The following PLPP3 variants were observed in gnomAD, a reference collection of about 807,000 sequenced individuals.
The protein encoded by PLPP3 is PAP2 beta.
In PLPP3, 6 loss-of-function variants were observed where a neutral mutation model predicts 29.6. That is an observed-to-expected ratio of 0.20 (90% CI 0.11 to 0.40). The LOEUF (loss-of-function observed/expected upper bound fraction) is 0.40. PLPP3 is among the 10% of genes least tolerant of loss of function. The pLI is 1.00. For synonymous variants in PLPP3, 152 were observed against 159.7 expected, an observed-to-expected ratio of 0.95 and a Z score of 0.36; for missense variants, 308 against 407.7, an observed-to-expected ratio of 0.76 and a Z score of 2.11.
At chr1:56,554,806 A>G (rs1646063020) in intron 1 of PLPP3, among the ~76,000 whole-genome samples, 1 of 152,156 alleles carries the variant, frequency 6.6e-6, no homozygotes, top group Admixed American at 6.5e-5. Flanking sequence ...ATTTCCAGCT[A>G]AAGGAAAATA....
intron 1 of PLPP3, among the ~76,000 whole-genome samples, chr1:56,571,697 C>A (rs780668858): frequency 1.3e-5 from 2 of 152,108 alleles, no homozygotes; most frequent in African/African-American, 2.4e-5. Flanking sequence ...TACTCCACTG[C>A]CCAATAATAT....
At position 56,572,072 on chromosome 1, in the gene PLPP3, CAG is replaced by C. The variant is rs970879704; in HGVS notation, c.139+6804_139+6805del. On this transcript the variant is annotated intron_variant, in intron 1 of 5. Coordinates refer to ENST00000371250, the MANE Select transcript of PLPP3 (RefSeq NM_003713.5). ...TTTTTTTTTTTTTTTTTTTTTGAGA[CAG>C]AGTCTCGCTCTATCACCCAGCCTGG... 6.5e-5 allele frequency among the ~76,000 whole-genome samples: 5 copies of C among 76,658 alleles called. No individual in the cohort carries two copies. The Admixed American group carries it at 1.0e-3, about 16-fold the overall frequency. The allele number at this position is 76,658 out of a possible 152,430, so 50.3% of individuals were successfully genotyped here.
chr1:56,496,334 A>G lies in PLPP3; in HGVS notation c.*217T>C. ...GAACACTTAAACCAATTGCACATCCAGGACTCTGGCACTTGGTGTTAGTTT... is the reference window on the plus strand; with the variant it reads ...GAACACTTAAACCAATTGCACATCCGGGACTCTGGCACTTGGTGTTAGTTT... On this transcript the variant is annotated 3_prime_UTR_variant, in exon 6 of 6. Coordinates refer to ENST00000371250, the MANE Select transcript of PLPP3 (RefSeq NM_003713.5). 2 of 479,102 alleles carry G rather than the reference A, an allele frequency of 4.2e-6. No homozygotes were observed. The highest frequency in any genetic ancestry group is 7.5e-6 in the Non-Finnish European group (2 of 265,130). The allele number at this position is 479,102 out of a possible 1,614,324, so 29.7% of individuals were successfully genotyped here.
At chr1:56,578,688 G>T (rs1178310995) in intron 1 of PLPP3, among the ~76,000 whole-genome samples, 190 bp downstream of exon 1, 2 of 152,132 alleles carry the variant, frequency 1.3e-5, no homozygotes, top group Non-Finnish European at 2.9e-5. Flanking sequence ...TACAGGCCAA[G>T]AAGTCGGTGG....
At chr1:56,555,375 G>A (rs1646067784) in intron 1 of PLPP3, among the ~76,000 whole-genome samples, 1 of 147,506 alleles carries the variant, frequency 6.8e-6, no homozygotes, top group Non-Finnish European at 1.5e-5. Flanking sequence ...AGTGCCTGTT[G>A]GGGTGTGTGT....
At chr1:56,521,915 A>AG (rs1328574228) in intron 4 of PLPP3, among the ~76,000 whole-genome samples, 1 of 152,182 alleles carries the variant, frequency 6.6e-6, no homozygotes, top group Non-Finnish European at 1.5e-5. Flanking sequence ...TGGGGACCGG[A>AG]GGGAGGGGAC....
At chr1:56,576,612 C>T (rs1266990019) in intron 1 of PLPP3, among the ~76,000 whole-genome samples, 2 of 152,174 alleles carry the variant, frequency 1.3e-5, no homozygotes, top group South Asian at 2.1e-4. Flanking sequence ...GGCAAAGCAC[C>T]CCTGAAAACA....
rs71048436 is a variant in PLPP3 at position 56,501,007 on chromosome 1, CAAAAAAAAAAAA to C, written c.811-4343_811-4332del. Among the ~76,000 whole-genome samples the C allele has an allele frequency of 5.8e-3, 493 of 84,926 alleles. 6 individuals are homozygous for C. Among genetic ancestry groups the C allele is most frequent in the African/African-American group, 0.026 (458 of 17,596 alleles). The allele number at this position is 84,926 out of a possible 152,430, so 55.7% of individuals were successfully genotyped here. On this transcript the variant is annotated intron_variant, in intron 5 of 5. Transcript: ENST00000371250. ...CGAGACAGCGAGACTCTGTCTCAGA[CAAAAAAAAAAAA>C]AAAAAAAAAAAAAAATCATGTTGGT...
At chr1:56,578,368 C>G (rs559482725) in intron 1 of PLPP3, among the ~76,000 whole-genome samples, 2 of 152,130 alleles carry the variant, frequency 1.3e-5, no homozygotes, top group Non-Finnish European at 2.9e-5. Flanking sequence ...GTGAAAAGGC[C>G]GGCTAGCCAG....
rs66593221 is a variant in PLPP3, at chr1:56,555,433, TAA to T, written c.140-18323_140-18322del. On this transcript the variant is annotated intron_variant, in intron 1 of 5. Coordinates refer to ENST00000371250, the MANE Select transcript of PLPP3 (RefSeq NM_003713.5). ...ATGCAGGAGAAGGAAGGCCAAACAC[TAA>T]AAAAAAAAAAAAAAAAAAAAAAAAA... Among the ~76,000 whole-genome samples, 227 of 33,212 alleles carry T rather than the reference TAA, an allele frequency of 6.8e-3. 4 individuals carry two copies. Among genetic ancestry groups the T allele is most frequent in the African/African-American group, 0.026 (160 of 6,122 alleles). The allele number at this position is 33,212 out of a possible 152,430, so 21.8% of individuals were successfully genotyped here.
chr1:56,509,239 G>T, intron 5 of PLPP3, among the ~76,000 whole-genome samples: 1 of 152,148 alleles, frequency 6.6e-6, no homozygotes, highest in Middle Eastern at 3.2e-3. Flanking sequence ...TCTTTACATT[G>T]TAAATCAGGC....
chr1:56,568,462 T>G (rs1207579311), intron 1 of PLPP3, among the ~76,000 whole-genome samples: 1 of 152,096 alleles, frequency 6.6e-6, no homozygotes, highest in Non-Finnish European at 1.5e-5. Context: ...AGAATATAAC[T>G]CACAGCCTCG....
intron 1 of PLPP3, among the ~76,000 whole-genome samples, chr1:56,567,020 A>G (rs189157239): frequency 2.6e-5 from 4 of 152,322 alleles, no homozygotes; most frequent in East Asian, 1.9e-4. Flanking sequence ...TGTAAAGCAG[A>G]TCCCAGGGAT....
chr1:56,551,838 G>A (rs1646041584), intron 1 of PLPP3, among the ~76,000 whole-genome samples: 1 of 152,192 alleles, frequency 6.6e-6, no homozygotes. Flanking sequence ...GCTGGGGTTT[G>A]GCAGGAGTTC....
In PLPP3 at chr1:56,524,152, GT is replaced by G. The variant is rs1645837270; in HGVS notation, c.575+124del. On this transcript the variant is annotated intron_variant, in intron 3 of 5. Coordinates refer to ENST00000371250, the MANE Select transcript of PLPP3 (RefSeq NM_003713.5). The surrounding 1 kb of genome is among the most constrained non-coding windows in gnomAD (Gnocchi z 4.3). Reference sequence around the variant, plus strand: ...ATCTGTCTCAATCATCTGACTGTGAGTTCCTCAAGAATAGGAACTATGCCTT... The same window carrying G: ...ATCTGTCTCAATCATCTGACTGTGAGTCCTCAAGAATAGGAACTATGCCTT... 5 of 1,186,896 alleles carry G rather than the reference GT, an allele frequency of 4.2e-6. No homozygotes were observed. The highest frequency in any genetic ancestry group is 6.0e-6 in the Non-Finnish European group (5 of 836,538). 73.5% of individuals were successfully genotyped at this position (1,186,896 alleles called of 1,614,324 possible).
intron 2 of PLPP3, among the ~76,000 whole-genome samples, chr1:56,532,689 T>C (rs150877903): frequency 4.5e-4 from 69 of 152,284 alleles, no homozygotes; most frequent in African/African-American, 1.6e-3. Context: ...AATCCTCTGA[T>C]ATCTTTTGAC....
chr1:56,519,656 T>C (rs1204251255), intron 4 of PLPP3, among the ~76,000 whole-genome samples: 2 of 151,926 alleles, frequency 1.3e-5, no homozygotes. Context: ...ACCATGGAGG[T>C]GCAGGGTCAA....
At chr1:56,518,415 AC>A (rs142792062) in intron 4 of PLPP3, among the ~76,000 whole-genome samples, 3,866 of 152,162 alleles carry the variant, frequency 0.025, 54 homozygotes, top group South Asian at 0.087. Context: ...CTGGGACAGC[AC>A]AGTAAAGGGT....
At chr1:56,572,447 C>G (rs578129922) in intron 1 of PLPP3, among the ~76,000 whole-genome samples, 9 of 152,176 alleles carry the variant, frequency 5.9e-5, no homozygotes, top group Non-Finnish European at 1.3e-4. Context: ...TCTAAATTCT[C>G]TCCCACCCTT....
Sources: allele counts gnomAD v4.1 joint callset (sites outside exome capture counted in the v4.1 genomes callset), GRCh38; gene constraint gnomAD v4.1.1; non-coding constraint Gnocchi (gnomAD v3.1); transcripts MANE v1.5; gene names NCBI Gene and HGNC (gene_info 2026-07-23, HGNC 2026-07-21).